IDI1: variants seen among roughly 807,000 people sequenced by gnomAD.
IDI1 encodes isopentenyl-diphosphate delta isomerase 1.
In IDI1, 23 loss-of-function variants were observed where a neutral mutation model predicts 32.9. The observed-to-expected ratio is 0.70, with a 90% CI of 0.50 to 0.99. The LOEUF (loss-of-function observed/expected upper bound fraction) is 0.99. IDI1 is among the 50% of genes least tolerant of loss of function. IDI1 has a pLI of 0.00. For synonymous variants in IDI1, 133 were observed against 128.2 expected (o/e 1.04, Z -0.25); for missense variants, 326 against 351.9 (o/e 0.93, Z 0.59).
intron 1 of IDI1, among the ~76,000 whole-genome samples, chr10:1,044,841 T>C (rs1203896163): frequency 2.6e-5 from 4 of 152,190 alleles, no homozygotes; most frequent in African/African-American, 7.2e-5. Flanking sequence ...TTCGTTATAT[T>C]CAATAGATGC....
chr10:1,048,458 G>A (rs7089968), intron 1 of IDI1: 45,193 of 1,261,966 alleles, frequency 0.036, 1,397 homozygotes, highest in African/African-American at 0.15. Flanking sequence ...GGCCGGTGTC[G>A]TCACGCTCGT....
At chr10:1,048,739 G>A in intron 1 of IDI1, 125 bp downstream of exon 1, 1 of 1,472,712 alleles carries the variant, frequency 6.8e-7, no homozygotes, top group Non-Finnish European at 8.9e-7. Context: ...ACCCCCAGCT[G>A]TCCAGGCCTC....
chr10:1,046,405 C>T (rs151222994), intron 1 of IDI1, among the ~76,000 whole-genome samples: 282 of 152,308 alleles, frequency 1.9e-3, no homozygotes, highest in Middle Eastern at 6.8e-3. Context: ...TTATTCAGCA[C>T]AGTCACACAC....
At chr10:1,049,481 C>G (rs975934345), upstream of IDI1, 4 of 160,252 alleles carry the variant, frequency 2.5e-5, no homozygotes, top group African/African-American at 1.0e-4. Flanking sequence ...CTCCCCCCCC[C>G]CGAGTTCCGC....
chr10:1,049,783 T>C (rs749534921), upstream of IDI1: 1 of 152,266 alleles, frequency 6.6e-6, no homozygotes, highest in Non-Finnish European at 1.5e-5. Context: ...GCCTCCCAAG[T>C]AGCTGGAATT....
rs1384811111 is a variant in IDI1 at position 1,043,334 on chromosome 10, G to A, written c.373C>T (p.Gln125Ter). 2 of 1,608,328 alleles carry A rather than the reference G, an allele frequency of 1.2e-6. No homozygotes were observed. Among genetic ancestry groups the A allele is most frequent in the East Asian group, 2.2e-5 (1 of 44,854 alleles). ...GTAATCTTAGCATCTGATCTTTGCT[G>A]TAGCAGAAGCTTATTTTCGGTGTTG... is the stretch of plus-strand genomic sequence containing the variant. ...LFNTENKLLLQQRSDAKITFP... is the reference protein window; with the variant it reads ...LFNTENKLLL The change falls in exon 3 of 5, where the codon CAG (glutamine) becomes TAG (stop). Residue 125 changes from glutamine (Q) to a stop codon, truncating the protein, a stop_gained. Coordinates refer to ENST00000381344, the MANE Select transcript of IDI1 (RefSeq NM_004508.4). LOFTEE classifies it high-confidence loss of function.
At position 1,042,625 on chromosome 10, in the gene IDI1, T is replaced by C. The variant is rs7074880; in HGVS notation, c.537+7A>G. The C allele has an allele frequency of 0.012, 19,007 of 1,613,674 alleles. 1,038 individuals are homozygous for C. In the African/African-American group the frequency reaches 0.16, roughly 13 times the overall value. ...AGCTTGTATGGTTGTGTAGGAGAGC[T>C]GGTTACCTCTTCCAAGGGAATTCCT... is the stretch of plus-strand genomic sequence containing the variant. On this transcript the variant is annotated splice_region_variant and intron_variant, in intron 4 of 4. Transcript: ENST00000381344.
upstream of IDI1, among the ~76,000 whole-genome samples, chr10:1,053,400 C>T (rs1341992457): frequency 6.6e-6 from 1 of 152,246 alleles, no homozygotes; most frequent in African/African-American, 2.4e-5. Context: ...TTCCTTACCT[C>T]TCTCAGCCTT....
chr10:1,051,622 A>G (rs1349397777), upstream of IDI1, among the ~76,000 whole-genome samples: 1 of 152,198 alleles, frequency 6.6e-6, no homozygotes, highest in Non-Finnish European at 1.5e-5. Context: ...CCATTTTGTT[A>G]TAGAGAATAT....
At chr10:1,054,887 C>A in the IDI1 span, among the ~76,000 whole-genome samples, 1 of 152,164 alleles carries the variant, frequency 6.6e-6, no homozygotes, top group Non-Finnish European at 1.5e-5. Context: ...AAAAAGAACG[C>A]TAAGTGTGCA....
At chr10:1,042,558 A>T in intron 4 of IDI1, 74 bp downstream of exon 4, 2 of 1,478,378 alleles carry the variant, frequency 1.4e-6, no homozygotes, top group Non-Finnish European at 1.9e-6. Context: ...ATTTGAATTT[A>T]AAAATTTTAT....
chr10:1,042,915 T>A (rs1452908621), intron 3 of IDI1, among the ~76,000 whole-genome samples, 153 bp from the exon 4 acceptor site: 1 of 150,490 alleles, frequency 6.6e-6, no homozygotes, highest in Non-Finnish European at 1.5e-5. Context: ...TTAAGGATTT[T>A]AAAATTGGTT....
At chr10:1,048,750 C>T in intron 1 of IDI1, 114 bp downstream of exon 1, 1 of 1,487,960 alleles carries the variant, frequency 6.7e-7, no homozygotes, top group Non-Finnish European at 8.9e-7. Context: ...TCCAGGCCTC[C>T]GCGCCGAGAC....
Position 1,042,782 on chromosome 10 carries a change from A to C in IDI1, c.407-20T>G. 1 of 1,605,064 alleles carries C rather than the reference A, an allele frequency of 6.2e-7. No individual in the cohort carries two copies. The highest frequency in any genetic ancestry group is 2.2e-5 in the East Asian group (1 of 44,672). ...AACAACCTGGAAAATGGTAATACAG[A>C]GACAGATCAACTTTTCTTCAAAGTA... On this transcript the variant is annotated intron_variant, in intron 3 of 4. Transcript: ENST00000381344.
intron 1 of IDI1, among the ~76,000 whole-genome samples, chr10:1,047,768 A>T (rs974778275): frequency 6.6e-6 from 1 of 152,282 alleles, no homozygotes; most frequent in Non-Finnish European, 1.5e-5. Context: ...CGAACGTTAA[A>T]TTATCATCTG....
chr10:1,041,138 C>T lies in IDI1; in HGVS notation c.*49G>A, dbSNP rs1484341188. The T allele has an allele frequency of 4.6e-5, 48 of 1,052,088 alleles. No individual in the cohort carries two copies. The highest frequency in any genetic ancestry group is 6.6e-5 in the Non-Finnish European group (48 of 724,520). The allele number at this position is 1,052,088 out of a possible 1,614,324, so 65.2% of individuals were successfully genotyped here. Reference sequence around the variant, plus strand: ...CTAAATTTAAAAGGAAAAAGTCATTCTAAGTTTGTTAAGCAGATAAATTTT... The same window carrying T: ...CTAAATTTAAAAGGAAAAAGTCATTTTAAGTTTGTTAAGCAGATAAATTTT... On this transcript the variant is annotated 3_prime_UTR_variant, in exon 5 of 5. Coordinates refer to ENST00000381344, the MANE Select transcript of IDI1 (RefSeq NM_004508.4).
upstream of IDI1, among the ~76,000 whole-genome samples, chr10:1,051,246 G>GT (rs1319104184): frequency 6.6e-6 from 1 of 152,172 alleles, no homozygotes; most frequent in African/African-American, 2.4e-5. Context: ...CATCAGAAAA[G>GT]TTTTTAAGTA....
At chr10:1,041,529 AATT>A in intron 4 of IDI1, 25 bp from the exon 5 acceptor site, 3 of 1,334,494 alleles carry the variant, frequency 2.2e-6, no homozygotes, top group Non-Finnish European at 3.1e-6. Flanking sequence ...AAAAAAAAGT[AATT>A]AAAACATCGG....
intron 1 of IDI1, 37 bp from the exon 2 acceptor site, chr10:1,044,208 A>G (rs748695552): frequency 3.3e-6 from 5 of 1,528,958 alleles, no homozygotes; most frequent in South Asian, 2.3e-5. Flanking sequence ...AGGCCATCAT[A>G]TATTTTTCTG....
Sources: allele counts gnomAD v4.1 joint callset (sites outside exome capture counted in the v4.1 genomes callset), GRCh38; gene constraint gnomAD v4.1.1; transcripts MANE v1.5; gene names NCBI Gene and HGNC (gene_info 2026-07-23, HGNC 2026-07-21).